Variants in SLC41A1 observed in about 807,000 individuals in gnomAD.
The protein encoded by SLC41A1 is solute carrier family 41 (magnesium transporter), member 1.
A neutral mutation model predicts 47.3 loss-of-function variants in SLC41A1; 20 were observed. The ratio of observed to expected loss-of-function variants is 0.42; its 90% CI spans 0.30 to 0.61. The LOEUF (loss-of-function observed/expected upper bound fraction) is 0.61, where lower values mean the gene tolerates loss of function less well. Ranked by LOEUF, SLC41A1 falls within the 20% of genes least tolerant of loss-of-function variation. The pLI is 0.17. For missense variants in SLC41A1, 504 were observed against 674.1 expected (o/e 0.75, Z 2.79); for synonymous variants, 282 against 272.7 (o/e 1.03, Z -0.34).
chr1:205,809,123 A>G (rs2102511575), intron 2 of SLC41A1, among the ~76,000 whole-genome samples: 1 of 152,364 alleles, frequency 6.6e-6, no homozygotes, highest in Non-Finnish European at 1.5e-5. Flanking sequence ...GGAATTTGAT[A>G]CACATTGCTG....
At chr1:205,806,460 T>C (rs994371580) in intron 2 of SLC41A1, among the ~76,000 whole-genome samples, 3 of 152,246 alleles carry the variant, frequency 2.0e-5, no homozygotes, top group Non-Finnish European at 4.4e-5. Context: ...TTAACCTAGC[T>C]GGGAATTAAA....
chr1:205,809,948 A>G, intron 2 of SLC41A1, 122 bp downstream of exon 2: 2 of 1,427,832 alleles, frequency 1.4e-6, no homozygotes, highest in Non-Finnish European at 9.7e-7. Flanking sequence ...ATCCAAAGGA[A>G]AACAGTATTC....
intron 8 of SLC41A1, chr1:205,795,681 T>G (rs1655734583): frequency 1.5e-6 from 1 of 659,350 alleles, no homozygotes; most frequent in Non-Finnish European, 2.6e-6. Context: ...CTGCTTCCAG[T>G]GCATCTTCCA....
intron 2 of SLC41A1, among the ~76,000 whole-genome samples, chr1:205,802,534 T>A (rs761166689): frequency 2.0e-5 from 3 of 151,640 alleles, no homozygotes; most frequent in Non-Finnish European, 4.4e-5. Flanking sequence ...CTGACCAACA[T>A]GGAGAAACCC....
At position 205,813,102 on chromosome 1, in the gene SLC41A1, C is replaced by T. The variant is rs536850116; in HGVS notation, c.-941G>A. 73 of 985,478 alleles carry T rather than the reference C, an allele frequency of 7.4e-5. 2 individuals are homozygous for T. In the East Asian group the frequency reaches 8.2e-3, roughly 111 times the overall value. 61.0% of individuals were successfully genotyped at this position (985,478 alleles called of 1,614,324 possible). On this transcript the variant is annotated 5_prime_UTR_variant, in exon 1 of 11. Coordinates refer to ENST00000367137, the MANE Select transcript of SLC41A1 (RefSeq NM_173854.6). ...GGCGGGGGGGCACCCGGACGGGGGACCGGGGAGCCGAGCTCACGCGCCCCC... is the reference window on the plus strand; with the variant it reads ...GGCGGGGGGGCACCCGGACGGGGGATCGGGGAGCCGAGCTCACGCGCCCCC...
rs191959223 is a variant in SLC41A1, at chr1:205,806,342, C to T, written c.372+3728G>A. ...TCCTTCCCACTCTACTTCCCCAAGG[C>T]CACGCTTGCCATGCACTTTCATCGT... On this transcript the variant is annotated intron_variant, in intron 2 of 10. Coordinates refer to ENST00000367137, the MANE Select transcript of SLC41A1 (RefSeq NM_173854.6). 3.0e-3 allele frequency among the ~76,000 whole-genome samples: 457 copies of T among 152,336 alleles called. 6 individuals are homozygous for T. The highest frequency in any genetic ancestry group is 2.6e-3 in the Non-Finnish European group (180 of 68,038).
intron 2 of SLC41A1, among the ~76,000 whole-genome samples, chr1:205,803,713 G>A (rs1036497308): frequency 4.0e-5 from 6 of 149,022 alleles, no homozygotes; most frequent in South Asian, 2.1e-4. Flanking sequence ...TCATGGCTTC[G>A]GGCTCCAGCC....
At position 205,791,869 on chromosome 1, in the gene SLC41A1, C is replaced by G; in HGVS notation, c.1357-151G>C. On this transcript the variant is annotated intron_variant, in intron 10 of 10. Coordinates refer to ENST00000367137, the MANE Select transcript of SLC41A1 (RefSeq NM_173854.6). The surrounding 1 kb of genome is among the most constrained non-coding windows in gnomAD (Gnocchi z 4.0). Reference sequence around the variant, plus strand: ...TCCTCTTTCCACCCCAGCAACCTCTCTGTGTTTCTCCACCCCACAATTACC... The same window carrying G: ...TCCTCTTTCCACCCCAGCAACCTCTGTGTGTTTCTCCACCCCACAATTACC... 1.0e-6 allele frequency: 1 copy of G among 976,938 alleles called. No individual in the cohort carries two copies. The highest frequency in any genetic ancestry group is 1.6e-6 in the Non-Finnish European group (1 of 636,556). 60.5% of individuals were successfully genotyped at this position (976,938 alleles called of 1,614,324 possible).
At chr1:205,809,694 G>A (rs924847848) in intron 2 of SLC41A1, among the ~76,000 whole-genome samples, 2 of 152,108 alleles carry the variant, frequency 1.3e-5, no homozygotes, top group Middle Eastern at 3.2e-3. Flanking sequence ...AACCCCAAAT[G>A]CAGGGGACAA....
chr1:205,805,397 G>C (rs1048503212), intron 2 of SLC41A1, among the ~76,000 whole-genome samples: 1 of 152,188 alleles, frequency 6.6e-6, no homozygotes, highest in African/African-American at 2.4e-5. Context: ...CTTAAGGTTA[G>C]GAGTAGACAG....
rs1656134102 is a variant in SLC41A1, at chr1:205,810,849, C to A, written c.-408G>T. On this transcript the variant is annotated 5_prime_UTR_variant, in exon 2 of 11. Coordinates refer to ENST00000367137, the MANE Select transcript of SLC41A1 (RefSeq NM_173854.6). This position sits in a 1 kb window ranked among gnomAD's most constrained non-coding sequence, Gnocchi z 5.5. ...GGTGCCCTCTGAAGTGGCCCCTCTT[C>A]CGTAAAAAGCAGCTTGAGTTCAAAT... 4 of 228,138 alleles carry A rather than the reference C, an allele frequency of 1.8e-5. No homozygotes were observed. The highest frequency in any genetic ancestry group is 3.5e-5 in the Non-Finnish European group (4 of 113,682). The allele number at this position is 228,138 out of a possible 1,614,324, so 14.1% of individuals were successfully genotyped here.
At chr1:205,800,279 G>A (rs529748678) in intron 3 of SLC41A1, among the ~76,000 whole-genome samples, 34 of 152,308 alleles carry the variant, frequency 2.2e-4, no homozygotes, top group Non-Finnish European at 4.4e-4. Context: ...CAGAAGTCGG[G>A]TATGGCAAGT....
At position 205,789,124 on chromosome 1, in the gene SLC41A1, T is replaced by C. The variant is rs759069666; in HGVS notation, c.*2409A>G. 6.6e-6 allele frequency: 1 copy of C among 152,230 alleles called. No homozygotes were observed. Among genetic ancestry groups the C allele is most frequent in the Non-Finnish European group, 1.5e-5 (1 of 68,042 alleles). The allele number at this position is 152,230 out of a possible 1,614,324, so 9.4% of individuals were successfully genotyped here. A position where few individuals can be genotyped will look rare whatever the true frequency, so the allele number is the denominator to read the frequency against. ...TAAACGTCCTCTTTATTTTACCAAA[T>C]ATAATTTATCAGTTAAGTTGACATT... On this transcript the variant is annotated 3_prime_UTR_variant, in exon 11 of 11. Transcript: ENST00000367137.
chr1:205,808,210 C>A (rs1656060912), intron 2 of SLC41A1, among the ~76,000 whole-genome samples: 1 of 152,186 alleles, frequency 6.6e-6, no homozygotes, highest in South Asian at 2.1e-4. Flanking sequence ...CCCGTCTTGA[C>A]CTCCCAAAGT....
At position 205,794,890 on chromosome 1, in the gene SLC41A1, T is replaced by C; in HGVS notation, c.1336A>G (p.Met446Val). The change falls in exon 10 of 11, where the codon ATG becomes GTG. Residue 446 changes from methionine (M) to valine (V), a missense_variant. Met to Val is a conservative substitution (Grantham distance 21). Around this residue, in one of 2 missense-constraint regions of SLC41A1, gnomAD observed 421 missense variants for 601.6 expected, o/e 0.70. Transcript: ENST00000367137. ...TLTLIFIIFY[M>V]TAALLQVLIL... ...TGTACCTGGAGCAGTGCAGCTGTCA[T>C]ATAGAAGATGATGAAGATGAGTGTG... 1 of 1,613,878 alleles carries C rather than the reference T, an allele frequency of 6.2e-7. No individual in the cohort carries two copies. The highest frequency in any genetic ancestry group is 8.5e-7 in the Non-Finnish European group (1 of 1,179,968).
rs1655876026 is a variant in SLC41A1, at chr1:205,801,420, C to G, written c.373-360G>C. On this transcript the variant is annotated intron_variant, in intron 2 of 10. Transcript: ENST00000367137. Reference sequence around the variant, plus strand: ...ACACCCCAGAAATCCTTTGCAATCCCCCCTCAAATTGCAATCCCTGGCCCC... The same window carrying G: ...ACACCCCAGAAATCCTTTGCAATCCGCCCTCAAATTGCAATCCCTGGCCCC... The G allele has an allele frequency of 2.7e-5, 9 of 330,974 alleles. 1 individual carries two copies. Among genetic ancestry groups the G allele is most frequent in the South Asian group, 2.4e-4 (9 of 37,758 alleles). 20.5% of individuals were successfully genotyped at this position (330,974 alleles called of 1,614,324 possible).
chr1:205,808,834 AG>A, intron 2 of SLC41A1, among the ~76,000 whole-genome samples: 1 of 152,346 alleles, frequency 6.6e-6, no homozygotes, highest in South Asian at 2.1e-4. Context: ...GTTCCCCTGA[AG>A]GGCTCAAGTC....
chr1:205,810,761 T>C lies in SLC41A1; in HGVS notation c.-320A>G. On this transcript the variant is annotated 5_prime_UTR_variant, in exon 2 of 11. Coordinates refer to ENST00000367137, the MANE Select transcript of SLC41A1 (RefSeq NM_173854.6). This position sits in a 1 kb window ranked among gnomAD's most constrained non-coding sequence, Gnocchi z 5.5. ...TATCTGTCCTCTTATCTTCTTTGGT[T>C]CTCAGTGGCAGGCTCCTCAGAGCAG... 1 of 397,734 alleles carries C rather than the reference T, an allele frequency of 2.5e-6. No homozygotes were observed. 24.6% of individuals were successfully genotyped at this position (397,734 alleles called of 1,614,324 possible).
At chr1:205,812,388 C>T (rs979093965) in intron 1 of SLC41A1, among the ~76,000 whole-genome samples, 1 of 152,204 alleles carries the variant, frequency 6.6e-6, no homozygotes, top group African/African-American at 2.4e-5. Context: ...TTCAAACTCC[C>T]TCACCAGAGA....
Sources: allele counts gnomAD v4.1 joint callset (sites outside exome capture counted in the v4.1 genomes callset), GRCh38; gene constraint gnomAD v4.1.1; regional missense constraint gnomAD v4.1.1; non-coding constraint Gnocchi (gnomAD v3.1); transcripts MANE v1.5; gene names NCBI Gene and HGNC (gene_info 2026-07-23, HGNC 2026-07-21).